CNTNAP2: variants seen among roughly 807,000 people sequenced by gnomAD.
CNTNAP2 encodes contactin associated protein 2, also known as contactin-associated protein-like 2.
CNTNAP2 carries 98 observed loss-of-function variants against 155.2 expected under a neutral mutation model. The observed-to-expected ratio is 0.63, with a 90% CI of 0.54 to 0.75. The LOEUF (loss-of-function observed/expected upper bound fraction) is 0.75, where lower values mean the gene tolerates loss of function less well. Among genes scored for constraint, CNTNAP2 ranks in the 30% least tolerant of loss-of-function variants. The pLI is 0.00. For synonymous variants in CNTNAP2, 651 were observed against 631.2 expected (o/e 1.03, Z -0.47); for missense variants, 1,727 against 1,688.1 (o/e 1.02, Z -0.40).
In CNTNAP2 at chr7:147,047,364, GC is replaced by G. The variant is rs1269285794; in HGVS notation, c.550+3313del. Among the ~76,000 whole-genome samples the G allele has an allele frequency of 3.4e-5, 5 of 148,718 alleles. No individual in the cohort carries two copies. The East Asian group carries it at 8.1e-4, about 24-fold the overall frequency. Reference sequence around the variant, plus strand: ...TCTTGATTTGCTGACCTCATGATCCGCCCACCTGGGCTTGTTTCTGATTTTT... The same window carrying G: ...TCTTGATTTGCTGACCTCATGATCCGCCACCTGGGCTTGTTTCTGATTTTT... On this transcript the variant is annotated intron_variant, in intron 4 of 23. Coordinates refer to ENST00000361727, the MANE Select transcript of CNTNAP2 (RefSeq NM_014141.6).
intron 13 of CNTNAP2, among the ~76,000 whole-genome samples, chr7:147,885,533 A>G (rs1352620507): frequency 6.7e-6 from 1 of 150,000 alleles, no homozygotes; most frequent in Non-Finnish European, 1.5e-5. Context: ...ACCCCGCCCC[A>G]TCTTGCAGAA....
At chr7:148,097,902 G>C (rs529164261) in intron 15 of CNTNAP2, among the ~76,000 whole-genome samples, 5 of 152,112 alleles carry the variant, frequency 3.3e-5, no homozygotes, top group Non-Finnish European at 7.4e-5. Flanking sequence ...TTTTATCCTA[G>C]GTCAGGATAA....
chr7:148,247,643 A>ATTTTTTTTT (rs1563010572), intron 20 of CNTNAP2, among the ~76,000 whole-genome samples: 1 of 129,720 alleles, frequency 7.7e-6, no homozygotes, highest in African/African-American at 3.1e-5. Flanking sequence ...TTATTTATTT[A>ATTTTTTTTT]TTTATTTATT....
At chr7:146,485,213 TAAAAC>T (rs1484464311) in intron 1 of CNTNAP2, among the ~76,000 whole-genome samples, 1 of 151,940 alleles carries the variant, frequency 6.6e-6, no homozygotes, top group Non-Finnish European at 1.5e-5. Context: ...TTTAAAAAAA[TAAAAC>T]AGAGAGTGGA....
At chr7:147,329,589 A>G (rs1795520730) in intron 9 of CNTNAP2, among the ~76,000 whole-genome samples, 1 of 152,092 alleles carries the variant, frequency 6.6e-6, no homozygotes, top group African/African-American at 2.4e-5. Flanking sequence ...GTAAGTGTGT[A>G]AGCATCTCTG....
At chr7:146,180,265 C>A (rs1015810908) in intron 1 of CNTNAP2, among the ~76,000 whole-genome samples, 2 of 152,104 alleles carry the variant, frequency 1.3e-5, no homozygotes, top group Non-Finnish European at 2.9e-5. Context: ...GCATATTTAT[C>A]AGATGTGCCC....
intron 8 of CNTNAP2, among the ~76,000 whole-genome samples, chr7:147,211,176 A>G (rs993864472): frequency 1.3e-5 from 2 of 151,984 alleles, no homozygotes; most frequent in African/African-American, 4.8e-5. Context: ...ATTTAAGTCT[A>G]GAATTTCTTA....
At chr7:146,443,130 C>T (rs1011869625) in intron 1 of CNTNAP2, among the ~76,000 whole-genome samples, 3 of 151,740 alleles carry the variant, frequency 2.0e-5, no homozygotes, top group African/African-American at 7.3e-5. Flanking sequence ...AGGGAAATGG[C>T]GTGAACTCGG....
At chr7:147,238,601 C>T (rs1460121981) in intron 8 of CNTNAP2, among the ~76,000 whole-genome samples, 1 of 151,850 alleles carries the variant, frequency 6.6e-6, no homozygotes, top group African/African-American at 2.4e-5. Flanking sequence ...CCTGCTTAAT[C>T]GTCCCATTGA....
chr7:147,928,668 C>G (rs1338662640), intron 14 of CNTNAP2, among the ~76,000 whole-genome samples: 1 of 152,112 alleles, frequency 6.6e-6, no homozygotes, highest in Non-Finnish European at 1.5e-5. Context: ...CAGCAACATT[C>G]TAAGAGGCGG....
At chr7:147,395,926 T>C (rs1584923069) in intron 10 of CNTNAP2, 146 bp downstream of exon 10, 6 of 783,070 alleles carry the variant, frequency 7.7e-6, no homozygotes, top group African/African-American at 1.7e-5. Context: ...TATTGTAGTA[T>C]ACTTGTGATA....
chr7:146,171,983 T>A (rs1798397890), intron 1 of CNTNAP2, among the ~76,000 whole-genome samples: 1 of 151,448 alleles, frequency 6.6e-6, no homozygotes, highest in Non-Finnish European at 1.5e-5. Context: ...ATGACAAATT[T>A]GCTTTGTACC....
chr7:147,849,990 C>G (rs1177009), intron 13 of CNTNAP2: 48,298 of 152,026 alleles, frequency 0.32, 8,055 homozygotes, highest in Middle Eastern at 0.4. Context: ...ACTTCAGTAT[C>G]TAGCTTATAG....
intron 15 of CNTNAP2, among the ~76,000 whole-genome samples, chr7:147,983,428 G>C (rs2116872814): frequency 6.7e-6 from 1 of 150,154 alleles, no homozygotes; most frequent in Middle Eastern, 3.4e-3. Flanking sequence ...AGGTGATACT[G>C]TTGACAAAAA....
chr7:148,140,850 G>C (rs1805051006), intron 16 of CNTNAP2, among the ~76,000 whole-genome samples: 1 of 152,244 alleles, frequency 6.6e-6, no homozygotes, highest in South Asian at 2.1e-4. Flanking sequence ...CAAGGGCTTA[G>C]ATATTACCTT....
At chr7:147,018,645 C>A (rs750023546) in intron 3 of CNTNAP2, among the ~76,000 whole-genome samples, 2 of 151,928 alleles carry the variant, frequency 1.3e-5, no homozygotes, top group Non-Finnish European at 2.9e-5. Flanking sequence ...TTTTTGGAAA[C>A]CCTTAAACTT....
chr7:146,455,971 A>G (rs982209279), intron 1 of CNTNAP2, among the ~76,000 whole-genome samples: 1 of 152,218 alleles, frequency 6.6e-6, no homozygotes, highest in African/African-American at 2.4e-5. Context: ...GTTATACCAT[A>G]TTGGCTATAA....
intron 13 of CNTNAP2, among the ~76,000 whole-genome samples, chr7:147,878,464 G>T (rs1387913330): frequency 1.3e-5 from 2 of 150,618 alleles, no homozygotes; most frequent in Non-Finnish European, 1.5e-5. Flanking sequence ...AGATGTCTTT[G>T]TATTCCTTGA....
chr7:146,337,515 G>A (rs756799303), intron 1 of CNTNAP2, among the ~76,000 whole-genome samples: 3 of 152,174 alleles, frequency 2.0e-5, no homozygotes, highest in Non-Finnish European at 4.4e-5. Context: ...CTGGAGCACA[G>A]TGGCATGAAC....
Sources: allele counts gnomAD v4.1 joint callset (sites outside exome capture counted in the v4.1 genomes callset), GRCh38; gene constraint gnomAD v4.1.1; transcripts MANE v1.5; gene names NCBI Gene and HGNC (gene_info 2026-07-23, HGNC 2026-07-21).